SH3RF3: variants seen among roughly 807,000 people sequenced by gnomAD.
SH3RF3 encodes the protein E3 ubiquitin-protein ligase SH3RF3.
Under a neutral mutation model 66.3 loss-of-function variants are expected in SH3RF3, and 29 were observed. That is an observed-to-expected ratio of 0.44 (90% CI 0.33 to 0.60). The LOEUF (loss-of-function observed/expected upper bound fraction) is 0.60, where lower values mean the gene tolerates loss of function less well. SH3RF3 is among the 20% of genes least tolerant of loss of function. SH3RF3 has a pLI of 0.04. For synonymous variants in SH3RF3, 583 were observed against 532.0 expected, an observed-to-expected ratio of 1.10 and a Z score of -1.32; for missense variants, 1,194 against 1,190.9, an observed-to-expected ratio of 1.00 and a Z score of -0.04.
chr2:109,148,102 G>A (rs1677140539), intron 1 of SH3RF3, among the ~76,000 whole-genome samples: 1 of 152,116 alleles, frequency 6.6e-6, no homozygotes, highest in Admixed American at 6.5e-5. Flanking sequence ...CTGCCAGCCG[G>A]GTCCTACACA....
At chr2:109,146,733 A>G (rs1312170230) in intron 1 of SH3RF3, among the ~76,000 whole-genome samples, 2 of 151,934 alleles carry the variant, frequency 1.3e-5, no homozygotes, top group Admixed American at 6.6e-5. Flanking sequence ...TCTACATCTG[A>G]GTATCTTTTT....
chr2:109,272,981 A>G (rs1041128956), intron 1 of SH3RF3, among the ~76,000 whole-genome samples: 1 of 152,254 alleles, frequency 6.6e-6, no homozygotes, highest in Non-Finnish European at 1.5e-5. Context: ...AGCTACTGGA[A>G]GAAATTAAAA....
intron 3 of SH3RF3, among the ~76,000 whole-genome samples, chr2:109,378,702 G>T (rs1683445412): frequency 1.3e-5 from 2 of 152,174 alleles, no homozygotes; most frequent in Non-Finnish European, 2.9e-5. Context: ...CTTTCATGTG[G>T]GGCTAATTTC....
rs201343727 is a variant in SH3RF3, at chr2:109,339,211, GA to G, written c.574-8456del. On this transcript the variant is annotated intron_variant, in intron 1 of 9. Transcript: ENST00000309415. ...AGGCACACTCGGTATAACTTTTATT[GA>G]AAAAAATCCACGTATAAGTAGACCC... Among the ~76,000 whole-genome samples the G allele has an allele frequency of 7.7e-3, 1,008 of 130,668 alleles. 11 individuals carry two copies. Among genetic ancestry groups the G allele is most frequent in the East Asian group, 0.054 (219 of 4,068 alleles). 85.7% of individuals were successfully genotyped at this position (130,668 alleles called of 152,430 possible). A position where few individuals can be genotyped will look rare whatever the true frequency, so the allele number is the denominator to read the frequency against.
chr2:109,461,127 C>T (rs561727454), intron 8 of SH3RF3, among the ~76,000 whole-genome samples: 92 of 152,358 alleles, frequency 6.0e-4, no homozygotes, highest in Non-Finnish European at 1.1e-3. Flanking sequence ...CTGGTGCCTT[C>T]GGGACCTGCT....
chr2:109,265,572 G>A (rs758273168), intron 1 of SH3RF3, among the ~76,000 whole-genome samples: 6 of 152,222 alleles, frequency 3.9e-5, no homozygotes, highest in Non-Finnish European at 5.9e-5. Context: ...CAGGGCAGGT[G>A]TGGCTCTTCC....
At chr2:109,258,011 C>G (rs1351676606) in intron 1 of SH3RF3, among the ~76,000 whole-genome samples, 1 of 152,008 alleles carries the variant, frequency 6.6e-6, no homozygotes, top group Non-Finnish European at 1.5e-5. Context: ...CACATACCCA[C>G]ATACCTGTGC....
intron 1 of SH3RF3, among the ~76,000 whole-genome samples, chr2:109,193,632 C>A (rs1047167375): frequency 5.9e-5 from 9 of 152,172 alleles, no homozygotes; most frequent in Admixed American, 3.3e-4. Context: ...CACCACATTT[C>A]TTTCTCCATT....
chr2:109,426,513 T>A (rs1333877943), intron 5 of SH3RF3, among the ~76,000 whole-genome samples: 2 of 152,216 alleles, frequency 1.3e-5, no homozygotes, highest in Non-Finnish European at 2.9e-5. Context: ...ACTGAATTGC[T>A]GCAATCTTAT....
chr2:109,305,663 C>T (rs1442440963), intron 1 of SH3RF3, among the ~76,000 whole-genome samples: 2 of 152,220 alleles, frequency 1.3e-5, no homozygotes, highest in Non-Finnish European at 2.9e-5. Flanking sequence ...TCAGCATTCG[C>T]TCAGTTCCAC....
chr2:109,171,128 C>T (rs1075813), intron 1 of SH3RF3, among the ~76,000 whole-genome samples: 76,030 of 152,024 alleles, frequency 0.5, 19,922 homozygotes, highest in South Asian at 0.61. Context: ...TAATCTGCAG[C>T]ACCTAGATCA....
chr2:109,414,943 A>G (rs1676683520), intron 4 of SH3RF3, among the ~76,000 whole-genome samples: 1 of 152,222 alleles, frequency 6.6e-6, no homozygotes, highest in South Asian at 2.1e-4. Flanking sequence ...GCAAACGGGA[A>G]AAGACCCTGA....
intron 1 of SH3RF3, among the ~76,000 whole-genome samples, chr2:109,165,163 G>T (rs1381585395): frequency 2.0e-5 from 3 of 151,190 alleles, no homozygotes; most frequent in South Asian, 2.1e-4. Flanking sequence ...TCAACTTGCT[G>T]CCTAAGCCAC....
chr2:109,284,363 A>C (rs1417146737), intron 1 of SH3RF3, among the ~76,000 whole-genome samples: 1 of 152,238 alleles, frequency 6.6e-6, no homozygotes, highest in Non-Finnish European at 1.5e-5. Context: ...ATTATCAGAC[A>C]AGCTGCAGGA....
At chr2:109,283,094 G>A (rs1559000259) in intron 1 of SH3RF3, among the ~76,000 whole-genome samples, 1 of 152,250 alleles carries the variant, frequency 6.6e-6, no homozygotes, top group Non-Finnish European at 1.5e-5. Flanking sequence ...ATGGGCAGCA[G>A]CGGTGATGAT....
chr2:109,175,339 C>T (rs1391624228), intron 1 of SH3RF3, among the ~76,000 whole-genome samples: 2 of 152,208 alleles, frequency 1.3e-5, no homozygotes, highest in Admixed American at 1.3e-4. Context: ...TGTATTTCAT[C>T]CTGCAGCACA....
At chr2:109,414,885 C>T (rs1353288038) in intron 4 of SH3RF3, among the ~76,000 whole-genome samples, 1 of 152,238 alleles carries the variant, frequency 6.6e-6, no homozygotes, top group Non-Finnish European at 1.5e-5. Context: ...GGCCCCCACA[C>T]ATGTCCAAGT....
At chr2:109,227,977 G>A (rs1679411028) in intron 1 of SH3RF3, among the ~76,000 whole-genome samples, 1 of 152,202 alleles carries the variant, frequency 6.6e-6, no homozygotes, top group South Asian at 2.1e-4. Flanking sequence ...AGGGGCATGG[G>A]ATTTACATTT....
At chr2:109,272,579 G>T (rs1007784679) in intron 1 of SH3RF3, among the ~76,000 whole-genome samples, 3 of 152,218 alleles carry the variant, frequency 2.0e-5, no homozygotes, top group Non-Finnish European at 1.5e-5. Context: ...GGCTCAGAGC[G>T]CTCGTTCCTT....
Sources: gnomAD v4.1 joint callset for allele counts (sites outside exome capture counted in the v4.1 genomes callset) on GRCh38, gnomAD v4.1.1 for gene constraint, MANE v1.5 for transcripts, NCBI Gene and HGNC (gene_info 2026-07-23, HGNC 2026-07-21) for gene names.